SDHC: variants seen among roughly 807,000 people sequenced by gnomAD.
SDHC encodes the protein succinate dehydrogenase complex subunit C, also known as succinate dehydrogenase cytochrome b560 subunit, mitochondrial.
In SDHC, 11 loss-of-function variants were observed where a neutral mutation model predicts 22.6. The ratio of observed to expected loss-of-function variants is 0.49; its 90% CI spans 0.31 to 0.81. The LOEUF is 0.81. Ranked by LOEUF, SDHC falls within the 30% of genes least tolerant of loss-of-function variation. The pLI is 0.05. For missense variants in SDHC, 160 were observed against 212.0 expected, an observed-to-expected ratio of 0.75 and a Z score of 1.52; for synonymous variants, 80 against 77.8, an observed-to-expected ratio of 1.03 and a Z score of -0.15.
At chr1:161,362,289 T>G (rs757575725) in intron 5 of SDHC, 40 bp from the exon 6 acceptor site, 5 of 1,597,140 alleles carry the variant, frequency 3.1e-6, no homozygotes, top group Non-Finnish European at 4.3e-6. Context: ...AATGTCCTAT[T>G]TACTGAAATT....
chr1:161,344,366 G>A (rs1300638775), intron 4 of SDHC, among the ~76,000 whole-genome samples: 1 of 151,986 alleles, frequency 6.6e-6, no homozygotes, highest in African/African-American at 2.4e-5. Flanking sequence ...GGAGGCTGAT[G>A]TAGGGAGGAT....
At chr1:161,349,019 G>T (rs1210692247) in intron 4 of SDHC, among the ~76,000 whole-genome samples, 1 of 152,068 alleles carries the variant, frequency 6.6e-6, no homozygotes, top group Non-Finnish European at 1.5e-5. Context: ...ACAACATAAA[G>T]CATGAGATTA....
At chr1:161,319,493 G>A (rs1478447565) in intron 1 of SDHC, among the ~76,000 whole-genome samples, 1 of 151,478 alleles carries the variant, frequency 6.6e-6, no homozygotes, top group Non-Finnish European at 1.5e-5. Flanking sequence ...GTCGCCCAGG[G>A]TGGAGTGCAG....
chr1:161,360,324 G>T (rs1460415248), intron 5 of SDHC, among the ~76,000 whole-genome samples: 1 of 152,078 alleles, frequency 6.6e-6, no homozygotes, highest in Non-Finnish European at 1.5e-5. Context: ...GGAGGCCAAG[G>T]CAGGTGAATT....
intron 5 of SDHC, among the ~76,000 whole-genome samples, chr1:161,359,101 A>G (rs1222423872): frequency 6.6e-6 from 1 of 152,142 alleles, no homozygotes; most frequent in East Asian, 1.9e-4. Context: ...AGTCTCAAAA[A>G]AAAAAAAAAG....
At chr1:161,317,319 C>T (rs965332075) in intron 1 of SDHC, among the ~76,000 whole-genome samples, 4 of 151,996 alleles carry the variant, frequency 2.6e-5, no homozygotes, top group South Asian at 2.1e-4. Context: ...TGAGCCACAA[C>T]GCTTGGCCTT....
At chr1:161,317,909 C>T (rs938416646) in intron 1 of SDHC, among the ~76,000 whole-genome samples, 2 of 151,934 alleles carry the variant, frequency 1.3e-5, no homozygotes, top group African/African-American at 4.8e-5. Flanking sequence ...CATGGTGGCT[C>T]ATGCCTGTAA....
chr1:161,355,081 G>T (rs1481467850), intron 4 of SDHC, among the ~76,000 whole-genome samples: 7 of 152,130 alleles, frequency 4.6e-5, no homozygotes, highest in Non-Finnish European at 7.4e-5. Flanking sequence ...GTGGTCGATA[G>T]CCACTGAGCT....
At chr1:161,316,960 A>G (rs576572771) in intron 1 of SDHC, among the ~76,000 whole-genome samples, 5 of 151,534 alleles carry the variant, frequency 3.3e-5, no homozygotes, top group Admixed American at 1.3e-4. Context: ...CTTAAGAGAA[A>G]TATTGGTTAA....
intron 1 of SDHC, among the ~76,000 whole-genome samples, chr1:161,319,859 A>G (rs1670778519): frequency 6.6e-6 from 1 of 152,308 alleles, no homozygotes; most frequent in South Asian, 2.1e-4. Context: ...AGCTGGACAT[A>G]ATGTAATGTT....
At chr1:161,345,480 A>C (rs1671858790) in intron 4 of SDHC, among the ~76,000 whole-genome samples, 1 of 152,078 alleles carries the variant, frequency 6.6e-6, no homozygotes, top group Admixed American at 6.6e-5. Context: ...TTTTTGAGAC[A>C]GAGTCTCGCT....
intron 3 of SDHC, among the ~76,000 whole-genome samples, chr1:161,336,060 A>G (rs1205264112): frequency 6.6e-6 from 1 of 152,180 alleles, no homozygotes; most frequent in East Asian, 1.9e-4. Context: ...GATTCCAGGA[A>G]TAATCCTGTT....
At chr1:161,342,260 C>T (rs1671746560) in intron 4 of SDHC, among the ~76,000 whole-genome samples, 1 of 152,152 alleles carries the variant, frequency 6.6e-6, no homozygotes, top group Non-Finnish European at 1.5e-5. Context: ...CTTGTGTTCT[C>T]TCCCAGCGAA....
intron 4 of SDHC, among the ~76,000 whole-genome samples, chr1:161,341,000 C>T (rs190347763): frequency 9.2e-5 from 14 of 152,196 alleles, no homozygotes; most frequent in South Asian, 6.2e-4. Flanking sequence ...TGTGCCACCA[C>T]GCCTGGCTAA....
chr1:161,348,998 A>C (rs947793512), intron 4 of SDHC, among the ~76,000 whole-genome samples: 1 of 152,108 alleles, frequency 6.6e-6, no homozygotes, highest in Non-Finnish European at 1.5e-5. Context: ...ATAAATAACA[A>C]GATAAAACAT....
intron 4 of SDHC, 50 bp from the exon 5 acceptor site, chr1:161,356,627 T>TAG: frequency 6.3e-7 from 1 of 1,586,546 alleles, no homozygotes; most frequent in Non-Finnish European, 8.7e-7. Context: ...TGTATCATAT[T>TAG]AGTTGTAACT....
intron 1 of SDHC, among the ~76,000 whole-genome samples, chr1:161,322,580 T>C (rs2102292628): frequency 6.6e-6 from 1 of 151,962 alleles, no homozygotes; most frequent in Admixed American, 6.6e-5. Flanking sequence ...TGTTTTTTTT[T>C]TTTTGAGACA....
chr1:161,340,701 A>C (rs1558174649), intron 4 of SDHC, 46 bp downstream of exon 4: 2 of 1,547,858 alleles, frequency 1.3e-6, no homozygotes, highest in Non-Finnish European at 1.8e-6. Flanking sequence ...TCTTTGAAAA[A>C]CTTGGCTGTT....
At chr1:161,336,703 T>C (rs1558172049) in intron 3 of SDHC, among the ~76,000 whole-genome samples, 2 of 152,128 alleles carry the variant, frequency 1.3e-5, no homozygotes, top group African/African-American at 2.4e-5. Flanking sequence ...CAGGGAAAGA[T>C]ATCTGAGATA....
Sources: allele counts gnomAD v4.1 joint callset (sites outside exome capture counted in the v4.1 genomes callset), GRCh38; gene constraint gnomAD v4.1.1; transcripts MANE v1.5; gene names NCBI Gene and HGNC (gene_info 2026-07-23, HGNC 2026-07-21).